Variants in TGFA observed in about 807,000 individuals in gnomAD.
TGFA encodes the protein transforming growth factor alpha.
TGFA carries 12 observed loss-of-function variants against 21.7 expected under a neutral mutation model. The observed-to-expected ratio is 0.55, with a 90% CI of 0.35 to 0.90. The LOEUF (loss-of-function observed/expected upper bound fraction) is 0.90. Among genes scored for constraint, TGFA ranks in the 40% least tolerant of loss-of-function variants. The pLI, the probability that TGFA is intolerant of heterozygous loss-of-function variation, is 0.01. For synonymous variants in TGFA, 79 were observed against 88.1 expected, an observed-to-expected ratio of 0.90 and a Z score of 0.58; for missense variants, 178 against 210.8, an observed-to-expected ratio of 0.84 and a Z score of 0.96.
chr2:70,465,632 C>A lies in TGFA; in HGVS notation c.199G>T (p.Asp67Tyr). The A allele has an allele frequency of 6.2e-7, 1 of 1,614,166 alleles. No individual in the cohort carries two copies. ...GATACTTACACACATGCTGGCTTGT[C>A]CTCCTGCACCAAAAACCTGCAGGTT... ...HGTCRFLVQE[D>Y]KPACVCHSGY... Residue 67 changes from aspartate to tyrosine, a missense_variant, in exon 3 of 6, where the codon GAC (aspartate) becomes TAC (tyrosine). By Grantham distance (160) the Asp-to-Tyr change is radical. Coordinates refer to ENST00000295400, the MANE Select transcript of TGFA (RefSeq NM_003236.4).
intron 2 of TGFA, among the ~76,000 whole-genome samples, chr2:70,470,114 CAGAG>C (rs1670692442): frequency 6.7e-6 from 1 of 149,612 alleles, no homozygotes; most frequent in Non-Finnish European, 1.5e-5. Flanking sequence ...GGAAGGGAGA[CAGAG>C]AGTAGAGAGA....
In TGFA at chr2:70,552,236, CCTT is replaced by C. The variant is rs1431061298; in HGVS notation, c.40+1489_40+1491del. Among the ~76,000 whole-genome samples, 23 of 152,256 alleles carry C rather than the reference CCTT, an allele frequency of 1.5e-4. No individual in the cohort carries two copies. In the East Asian group the frequency reaches 4.2e-3, roughly 28 times the overall value. On this transcript the variant is annotated intron_variant, in intron 1 of 5. Coordinates refer to ENST00000295400, the MANE Select transcript of TGFA (RefSeq NM_003236.4). ...CTATATAATGAGAATAATATTAACA[CCTT>C]CTTTATCCGGTTGGTGTGAAAACTG...
intron 3 of TGFA, 72 bp downstream of exon 3, chr2:70,465,544 G>T: frequency 6.3e-7 from 1 of 1,592,732 alleles, no homozygotes; most frequent in Non-Finnish European, 8.6e-7. Context: ...GTCTTATGGA[G>T]GTAAATGCTC....
chr2:70,505,299 G>A (rs782246008), intron 2 of TGFA, among the ~76,000 whole-genome samples: 6 of 152,160 alleles, frequency 3.9e-5, no homozygotes, highest in Non-Finnish European at 5.9e-5. Context: ...CACTGGTCAA[G>A]GGCTGAATCC....
At chr2:70,457,812 G>A (rs1210039976) in intron 3 of TGFA, among the ~76,000 whole-genome samples, 3 of 152,192 alleles carry the variant, frequency 2.0e-5, no homozygotes, top group African/African-American at 7.2e-5. Flanking sequence ...AAAGTGCTGG[G>A]ATTATAGGCG....
At chr2:70,542,702 A>G (rs1553505330) in intron 1 of TGFA, among the ~76,000 whole-genome samples, 1 of 152,208 alleles carries the variant, frequency 6.6e-6, no homozygotes, top group East Asian at 1.9e-4. Flanking sequence ...ACAAATTACA[A>G]TGTCATATAC....
At chr2:70,503,660 T>C (rs939232921) in intron 2 of TGFA, among the ~76,000 whole-genome samples, 1 of 152,056 alleles carries the variant, frequency 6.6e-6, no homozygotes, top group African/African-American at 2.4e-5. Context: ...GTCATCTGGC[T>C]CCTGACTTTA....
chr2:70,466,925 C>T (rs987608264), intron 2 of TGFA, among the ~76,000 whole-genome samples: 11 of 152,052 alleles, frequency 7.2e-5, no homozygotes, highest in East Asian at 1.9e-4. Context: ...AGCAAACTAA[C>T]GCAGGAAGAG....
intron 2 of TGFA, among the ~76,000 whole-genome samples, chr2:70,468,800 G>C (rs1342726749): frequency 6.6e-6 from 1 of 152,066 alleles, no homozygotes; most frequent in Non-Finnish European, 1.5e-5. Flanking sequence ...CAAGCCCAGG[G>C]CTCCTCCCGA....
chr2:70,451,607 C>A, intron 5 of TGFA: 1 of 606,640 alleles, frequency 1.6e-6, no homozygotes, highest in Non-Finnish European at 2.9e-6. Flanking sequence ...TAACAAGAAA[C>A]TTACTCCACC....
At chr2:70,521,097 TAAA>T (rs534574454) in intron 1 of TGFA, among the ~76,000 whole-genome samples, 3 of 148,462 alleles carry the variant, frequency 2.0e-5, no homozygotes, top group Non-Finnish European at 3.0e-5. Context: ...GCCAACAGCT[TAAA>T]AAAAAAAATC....
intron 2 of TGFA, among the ~76,000 whole-genome samples, chr2:70,505,917 T>C (rs1553500095): frequency 6.6e-6 from 1 of 152,154 alleles, no homozygotes. Flanking sequence ...GGAAAGGAGA[T>C]TCTGAACAAA....
intron 1 of TGFA, among the ~76,000 whole-genome samples, chr2:70,516,249 G>A (rs1672273999): frequency 6.6e-6 from 1 of 152,206 alleles, no homozygotes; most frequent in Non-Finnish European, 1.5e-5. Context: ...AGTTAGCACA[G>A]GAAACAAGCA....
intron 2 of TGFA, among the ~76,000 whole-genome samples, chr2:70,470,506 G>A (rs140856628): frequency 8.3e-4 from 126 of 152,302 alleles, no homozygotes; most frequent in Non-Finnish European, 1.6e-3. Context: ...CTTCTTCTGC[G>A]GGTGTTTTTG....
chr2:70,497,846 C>A (rs781915263), intron 2 of TGFA, among the ~76,000 whole-genome samples: 5 of 152,198 alleles, frequency 3.3e-5, no homozygotes, highest in Non-Finnish European at 5.9e-5. Flanking sequence ...TAATTCATAT[C>A]AAATGCGCAA....
At chr2:70,517,192 G>A (rs1309031104) in intron 1 of TGFA, among the ~76,000 whole-genome samples, 4 of 152,324 alleles carry the variant, frequency 2.6e-5, no homozygotes, top group South Asian at 2.1e-4. Context: ...GCAAAACCAC[G>A]ATGTTCCACA....
At chr2:70,553,421 G>A (rs1553507144) in intron 1 of TGFA, 5 of 1,429,704 alleles carry the variant, frequency 3.5e-6, no homozygotes, top group African/African-American at 1.4e-5. Flanking sequence ...GCATGTGTCT[G>A]AGCAGACACA....
intron 2 of TGFA, among the ~76,000 whole-genome samples, chr2:70,474,338 G>A (rs72910014): frequency 0.021 from 3,168 of 152,332 alleles, 116 homozygotes; most frequent in African/African-American, 0.072. Context: ...ATACTGAAGA[G>A]CTATAGAAAA....
chr2:70,549,648 T>C (rs1345747640), intron 1 of TGFA, among the ~76,000 whole-genome samples: 1 of 152,202 alleles, frequency 6.6e-6, no homozygotes, highest in African/African-American at 2.4e-5. Context: ...CCAAACCTCC[T>C]CTTCCCGTTG....
Sources: gnomAD v4.1 joint callset for allele counts (sites outside exome capture counted in the v4.1 genomes callset) on GRCh38, gnomAD v4.1.1 for gene constraint, MANE v1.5 for transcripts, NCBI Gene and HGNC (gene_info 2026-07-23, HGNC 2026-07-21) for gene names.